Variants in MIB1 observed in about 807,000 individuals in gnomAD.
The protein encoded by MIB1 is E3 ubiquitin-protein ligase MIB1.
A neutral mutation model predicts 124.5 loss-of-function variants in MIB1; 278 were observed. The ratio of observed to expected loss-of-function variants is 2.23; its 90% CI spans 2.02 to 2.47. The LOEUF (loss-of-function observed/expected upper bound fraction) is 2.47, where lower values mean the gene tolerates loss of function less well. MIB1 is among the 30% of genes most tolerant of loss of function. MIB1 has a pLI of 0.00. For missense variants in MIB1, 957 were observed against 1,254.4 expected (o/e 0.76, Z 3.58); for synonymous variants, 446 against 429.4 (o/e 1.04, Z -0.48).
At chr18:21,784,540 G>A (rs564978420) in intron 6 of MIB1, among the ~76,000 whole-genome samples, 4 of 152,080 alleles carry the variant, frequency 2.6e-5, no homozygotes, top group Admixed American at 2.0e-4. Context: ...ACTAGAAATG[G>A]AGTATAGATT....
chr18:21,854,569 C>T (rs1181174092), intron 18 of MIB1: 1 of 156,812 alleles, frequency 6.4e-6, no homozygotes, highest in Non-Finnish European at 1.3e-5. Context: ...CCAGGAGCTT[C>T]CAGAATTTTT....
chr18:21,727,102 A>T (rs1209735991), intron 1 of MIB1, among the ~76,000 whole-genome samples: 1 of 152,072 alleles, frequency 6.6e-6, no homozygotes, highest in Non-Finnish European at 1.5e-5. Flanking sequence ...CTCCTAGGAG[A>T]CTTCGCAGTT....
intron 1 of MIB1, among the ~76,000 whole-genome samples, chr18:21,757,068 T>G (rs778522737): frequency 1.3e-5 from 2 of 152,086 alleles, no homozygotes; most frequent in Non-Finnish European, 2.9e-5. Context: ...GACATTTTCT[T>G]AATGCATTTT....
chr18:21,775,782 C>T (rs1052287050), intron 4 of MIB1, among the ~76,000 whole-genome samples: 3 of 151,948 alleles, frequency 2.0e-5, no homozygotes, highest in Non-Finnish European at 4.4e-5. Flanking sequence ...GATTGATGGC[C>T]GAGTATGTTG....
At chr18:21,847,697 C>T (rs2042146993) in intron 16 of MIB1, among the ~76,000 whole-genome samples, 1 of 152,008 alleles carries the variant, frequency 6.6e-6, no homozygotes, top group South Asian at 2.1e-4. Context: ...GTATATCTCA[C>T]ACAAACTGTA....
chr18:21,747,748 A>AT (rs1319208746), intron 1 of MIB1, among the ~76,000 whole-genome samples: 2 of 152,112 alleles, frequency 1.3e-5, no homozygotes, highest in Non-Finnish European at 2.9e-5. Flanking sequence ...CTCTGATTAG[A>AT]TTAGCTATTT....
chr18:21,853,219 G>C lies in MIB1; in HGVS notation c.2665+1G>C, dbSNP rs945454659. 6.2e-7 allele frequency: 1 copy of C among 1,601,116 alleles called. No individual in the cohort carries two copies. Among genetic ancestry groups the C allele is most frequent in the Non-Finnish European group, 8.6e-7 (1 of 1,168,712 alleles). On this transcript the variant is annotated splice_donor_variant, in intron 18 of 20. Transcript: ENST00000261537. LOFTEE classifies it high-confidence loss of function. ...TGTGGCCACATGTGTGCTTGTGAGA[G>C]TAAGTAGCCTATGCAGAGTTCCTCA...
rs2042139205 is a variant in MIB1, at chr18:21,846,886, G to T, written c.2212-58G>T. 9.3e-6 allele frequency: 14 copies of T among 1,512,930 alleles called. No homozygotes were observed. In the Admixed American group the frequency reaches 1.4e-4, roughly 15 times the overall value. 93.7% of individuals were successfully genotyped at this position (1,512,930 alleles called of 1,614,324 possible). ...CCACACACACATACATATATATGAT[G>T]ACAAGAATTGATGGCAGATTCCTAG... On this transcript the variant is annotated intron_variant, in intron 15 of 20. Transcript: ENST00000261537.
At chr18:21,864,480 C>G (rs2042304420) in intron 20 of MIB1, 46 bp from the exon 21 acceptor site, 1 of 1,459,568 alleles carries the variant, frequency 6.9e-7, no homozygotes, top group East Asian at 2.3e-5. Flanking sequence ...TGTCACTTTC[C>G]AAATATAAAG....
chr18:21,740,315 A>G (rs2040830258), upstream of MIB1, among the ~76,000 whole-genome samples: 1 of 152,238 alleles, frequency 6.6e-6, no homozygotes, highest in Non-Finnish European at 1.5e-5. Flanking sequence ...AATTCTGCAT[A>G]AAGTCAAGAC....
intron 1 of MIB1, among the ~76,000 whole-genome samples, chr18:21,761,858 G>A (rs551639142): frequency 6.6e-6 from 1 of 152,278 alleles, no homozygotes; most frequent in Non-Finnish European, 1.5e-5. Context: ...TTTAAGGAAA[G>A]TCTTTCTAAG....
chr18:21,748,966 T>A (rs950930305), intron 1 of MIB1, among the ~76,000 whole-genome samples: 4 of 152,042 alleles, frequency 2.6e-5, no homozygotes, highest in African/African-American at 9.7e-5. Context: ...GGTCTCAAAC[T>A]CTTGGCCTCA....
At chr18:21,748,803 G>A (rs984431856) in intron 1 of MIB1, among the ~76,000 whole-genome samples, 1 of 146,280 alleles carries the variant, frequency 6.8e-6, no homozygotes, top group Non-Finnish European at 1.5e-5. Flanking sequence ...TGTGATTATA[G>A]CTCATTGCAA....
chr18:21,741,502 C>T lies in MIB1; in HGVS notation c.-82C>T. Reference sequence around the variant, plus strand: ...CCCCGCCGACGCCTAGAGTCCGGCCCGGGCCCAACTCCCTCACGGGCCCCC... The same window carrying T: ...CCCCGCCGACGCCTAGAGTCCGGCCTGGGCCCAACTCCCTCACGGGCCCCC... On this transcript the variant is annotated 5_prime_UTR_variant, in exon 1 of 21. Coordinates refer to ENST00000261537, the MANE Select transcript of MIB1 (RefSeq NM_020774.4). This position sits in a 1 kb window ranked among gnomAD's most constrained non-coding sequence, Gnocchi z 5.4. The T allele has an allele frequency of 4.7e-6, 5 of 1,056,156 alleles. No homozygotes were observed. In the Middle Eastern group the frequency reaches 1.1e-3, roughly 228 times the overall value. The allele number at this position is 1,056,156 out of a possible 1,614,324, so 65.4% of individuals were successfully genotyped here.
chr18:21,835,997 C>T (rs1297664998), intron 12 of MIB1, among the ~76,000 whole-genome samples: 1 of 151,592 alleles, frequency 6.6e-6, no homozygotes, highest in Non-Finnish European at 1.5e-5. Flanking sequence ...GCTTGTAATC[C>T]CAGCACTTTG....
At chr18:21,846,794 A>G (rs1401289795) in intron 15 of MIB1, 150 bp from the exon 16 acceptor site, 3 of 684,046 alleles carry the variant, frequency 4.4e-6, no homozygotes, top group Non-Finnish European at 7.3e-6. Context: ...ACTTGTGTGT[A>G]TGCTTGAGAA....
intron 19 of MIB1, among the ~76,000 whole-genome samples, chr18:21,857,663 A>G (rs1260113392): frequency 6.6e-6 from 1 of 152,252 alleles, no homozygotes; most frequent in Non-Finnish European, 1.5e-5. Context: ...ATTTTATGGA[A>G]TGGTAATTAT....
chr18:21,840,974 G>C (rs185005519), intron 13 of MIB1, among the ~76,000 whole-genome samples: 4 of 152,032 alleles, frequency 2.6e-5, no homozygotes, highest in Non-Finnish European at 4.4e-5. Context: ...CTAAACTTCT[G>C]CTCATCAAAA....
rs1360731290 is a variant in MIB1, at chr18:21,815,825, A to G, written c.1677+12A>G. 6.2e-7 allele frequency: 1 copy of G among 1,610,448 alleles called. No homozygotes were observed. The highest frequency in any genetic ancestry group is 1.7e-5 in the Admixed American group (1 of 60,010). ...ATCCCAGTCTCCAGGTAAAACCTTT[A>G]AAGAAACACATCCTGCAGGTATTGC... On this transcript the variant is annotated intron_variant, in intron 11 of 20. Coordinates refer to ENST00000261537, the MANE Select transcript of MIB1 (RefSeq NM_020774.4).
Sources: gnomAD v4.1 joint callset for allele counts (sites outside exome capture counted in the v4.1 genomes callset) on GRCh38, gnomAD v4.1.1 for gene constraint, Gnocchi (gnomAD v3.1) non-coding constraint, MANE v1.5 for transcripts, NCBI Gene and HGNC (gene_info 2026-07-23, HGNC 2026-07-21) for gene names.